The following LHPP variants were observed in gnomAD, a reference collection of about 807,000 sequenced individuals.
LHPP encodes hLHPP.
A neutral mutation model predicts 30.3 loss-of-function variants in LHPP; 24 were observed. The ratio of observed to expected loss-of-function variants is 0.79; its 90% CI spans 0.57 to 1.11. LHPP has a LOEUF of 1.11. Ranked by LOEUF, LHPP falls within the 50% of genes most tolerant of loss-of-function variation. LHPP has a pLI of 0.00. For missense variants in LHPP, 356 were observed against 367.2 expected (o/e 0.97, Z 0.25); for synonymous variants, 150 against 157.1 (o/e 0.95, Z 0.34).
At chr10:124,562,908 G>A (rs1948417945) in intron 6 of LHPP, among the ~76,000 whole-genome samples, 1 of 150,950 alleles carries the variant, frequency 6.6e-6, no homozygotes, top group Non-Finnish European at 1.5e-5. Flanking sequence ...CCTCAGCCTG[G>A]GCGACAAAAC....
Position 124,488,486 on chromosome 10 carries a change from A to T in LHPP, c.378A>T (p.Ala126=), listed in dbSNP as rs372297419. ...CAAACTGTGTGGTAATTGCAGACGC[A>T]GGAGAAAGCTTTTCTTATCAAAACA... is the stretch of plus-strand genomic sequence containing the variant. ...SNPNCVVIAD[A]GESFSYQNMN... is the part of the protein sequence containing the mutation. Residue 126 remains alanine (A), a synonymous_variant, in exon 3 of 7, where the codon GCA becomes GCT. Transcript: ENST00000368842. The T allele has an allele frequency of 6.8e-6, 11 of 1,613,938 alleles. No individual in the cohort carries two copies. The highest frequency in any genetic ancestry group is 9.3e-6 in the Non-Finnish European group (11 of 1,179,966).
chr10:124,570,285 C>T (rs1948562884), intron 6 of LHPP, among the ~76,000 whole-genome samples: 1 of 152,192 alleles, frequency 6.6e-6, no homozygotes, highest in African/African-American at 2.4e-5. Flanking sequence ...GCCCTGTGCA[C>T]AGCTTCTTAA....
intron 1 of LHPP, among the ~76,000 whole-genome samples, chr10:124,469,113 G>C (rs967496589): frequency 6.6e-6 from 1 of 152,150 alleles, no homozygotes; most frequent in Non-Finnish European, 1.5e-5. Flanking sequence ...GATATGTACA[G>C]CCTGCTTTGA....
At chr10:124,556,762 T>G (rs1276470075) in intron 6 of LHPP, among the ~76,000 whole-genome samples, 1 of 152,250 alleles carries the variant, frequency 6.6e-6, no homozygotes, top group East Asian at 1.9e-4. Flanking sequence ...TGATTGATAA[T>G]GAGACTAAAG....
Position 124,497,005 on chromosome 10 carries a change from C to T in LHPP, c.512C>T (p.Pro171Leu), listed in dbSNP as rs1354910661. The stretch of plus-strand genomic sequence containing the variant: ...TCTGGCCTGATGCTGGACGTTGGTC[C>T]CTACATGAAGGCGCTTGAGGTACCA... ...ETSGLMLDVGPYMKALEYACG... is the reference protein window; with the variant it reads ...ETSGLMLDVGLYMKALEYACG... Residue 171 changes from proline to leucine, a missense_variant, in exon 4 of 7, where the codon CCC becomes CTC. Transcript: ENST00000368842. 2 of 1,614,098 alleles carry T rather than the reference C, an allele frequency of 1.2e-6. No individual in the cohort carries two copies. The highest frequency in any genetic ancestry group is 2.2e-5 in the South Asian group (2 of 91,074).
chr10:124,608,091 C>G (rs1949119209), intron 6 of LHPP, among the ~76,000 whole-genome samples: 1 of 152,134 alleles, frequency 6.6e-6, no homozygotes, highest in Non-Finnish European at 1.5e-5. Context: ...GTCCTTCCCG[C>G]AGGCACCCTC....
At chr10:124,467,419 A>G (rs1952584765) in intron 1 of LHPP, among the ~76,000 whole-genome samples, 1 of 151,442 alleles carries the variant, frequency 6.6e-6, no homozygotes, top group African/African-American at 2.4e-5. Flanking sequence ...TGGGGCGGGA[A>G]CCATGATGGC....
intron 6 of LHPP, among the ~76,000 whole-genome samples, chr10:124,594,792 G>A (rs140840092): frequency 0.01 from 1,569 of 151,976 alleles, 19 homozygotes; most frequent in Middle Eastern, 0.02. Flanking sequence ...CACCACACCC[G>A]GCTAATTTTT....
chr10:124,549,907 T>C (rs1020003338), intron 6 of LHPP, among the ~76,000 whole-genome samples: 29 of 152,262 alleles, frequency 1.9e-4, no homozygotes, highest in Admixed American at 4.6e-4. Context: ...TAGTTGAATG[T>C]TAAATAAAAT....
chr10:124,555,368 C>T (rs1014527574), intron 6 of LHPP, among the ~76,000 whole-genome samples: 2 of 152,230 alleles, frequency 1.3e-5, no homozygotes, highest in African/African-American at 4.8e-5. Context: ...GGCACAGCTC[C>T]TCCCTGGAGG....
At chr10:124,521,082 T>C (rs1169893525) in intron 6 of LHPP, among the ~76,000 whole-genome samples, 1 of 152,028 alleles carries the variant, frequency 6.6e-6, no homozygotes, top group East Asian at 1.9e-4. Flanking sequence ...CTCCAGATGG[T>C]ACTCTTGGTA....
rs1400354261 is a variant in LHPP, at chr10:124,593,294, C to T, written c.717-19970C>T. Among the ~76,000 whole-genome samples, 1 of 152,068 alleles carries T rather than the reference C, an allele frequency of 6.6e-6. No individual in the cohort carries two copies. The highest frequency in any genetic ancestry group is 2.4e-5 in the African/African-American group (1 of 41,424). ...TGGCAGGGCGGTAACCCCATCTGCCCAGAACCAGGCTGCGCTCTCGGGAGG... is the reference window on the plus strand; with the variant it reads ...TGGCAGGGCGGTAACCCCATCTGCCTAGAACCAGGCTGCGCTCTCGGGAGG... On this transcript the variant is annotated intron_variant, in intron 6 of 6. Transcript: ENST00000368842. This position sits in a 1 kb window ranked among gnomAD's most constrained non-coding sequence, Gnocchi z 4.9.
intron 4 of LHPP, among the ~76,000 whole-genome samples, chr10:124,497,743 C>T (rs1249560783): frequency 1.3e-5 from 2 of 152,194 alleles, no homozygotes; most frequent in Non-Finnish European, 2.9e-5. Flanking sequence ...CAGAGCACTG[C>T]TCTGCTGGCC....
At chr10:124,610,348 T>C (rs767747280) in intron 6 of LHPP, among the ~76,000 whole-genome samples, 6 of 145,220 alleles carry the variant, frequency 4.1e-5, no homozygotes, top group Admixed American at 2.7e-4. Context: ...ATGGAGCGGG[T>C]GAGGGTGCGG....
intron 1 of LHPP, among the ~76,000 whole-genome samples, chr10:124,464,537 T>G (rs1952504690): frequency 6.6e-6 from 1 of 152,204 alleles, no homozygotes; most frequent in South Asian, 2.1e-4. Context: ...CGCTGGGTCC[T>G]GGGTCTGCTC....
chr10:124,559,633 G>A lies in LHPP; in HGVS notation c.716+42362G>A, dbSNP rs1948358967. ...AACACTTGGAAATCCGGCTGCCCGA[G>A]GCTGGAAGCCGTCTTGCTGCGTATG... On this transcript the variant is annotated intron_variant, in intron 6 of 6. Transcript: ENST00000368842. 2.0e-5 allele frequency among the ~76,000 whole-genome samples: 3 copies of A among 152,284 alleles called. No individual in the cohort carries two copies. The South Asian group carries it at 6.2e-4, about 31-fold the overall frequency.
intron 6 of LHPP, among the ~76,000 whole-genome samples, chr10:124,582,212 C>T (rs941602554): frequency 6.6e-6 from 1 of 152,192 alleles, no homozygotes; most frequent in Non-Finnish European, 1.5e-5. Context: ...TCTCAAGTAG[C>T]TAGGACTACA....
intron 6 of LHPP, among the ~76,000 whole-genome samples, chr10:124,555,636 G>A (rs1030852572): frequency 2.6e-5 from 4 of 152,222 alleles, no homozygotes; most frequent in Non-Finnish European, 4.4e-5. Context: ...TAGGCCCACA[G>A]TCCTGCGCTG....
At chr10:124,491,920 A>C (rs1460658722) in intron 3 of LHPP, among the ~76,000 whole-genome samples, 1 of 152,214 alleles carries the variant, frequency 6.6e-6, no homozygotes, top group African/African-American at 2.4e-5. Context: ...GCAAGACTCC[A>C]TCTCGAAAAA....
Sources: gnomAD v4.1 joint callset for allele counts (sites outside exome capture counted in the v4.1 genomes callset) on GRCh38, gnomAD v4.1.1 for gene constraint, Gnocchi (gnomAD v3.1) non-coding constraint, MANE v1.5 for transcripts, NCBI Gene and HGNC (gene_info 2026-07-23, HGNC 2026-07-21) for gene names.